Variants in THRB observed in about 807,000 individuals in gnomAD.
The protein encoded by THRB is nuclear receptor subfamily 1 group A member 2.
A neutral mutation model predicts 47.8 loss-of-function variants in THRB; 12 were observed. That is an observed-to-expected ratio of 0.25 (90% CI 0.16 to 0.41). The LOEUF (loss-of-function observed/expected upper bound fraction) is 0.41. Ranked by LOEUF, THRB falls within the 10% of genes least tolerant of loss-of-function variation. The probability of loss-of-function intolerance (pLI) is 1.00; values close to 1 mark genes in which losing one functional copy is unlikely to be tolerated. For missense variants in THRB, 348 were observed against 589.2 expected (o/e 0.59, Z 4.24); for synonymous variants, 218 against 212.2 (o/e 1.03, Z -0.24).
At chr3:24,130,023 T>C (rs1419718435) in intron 9 of THRB, among the ~76,000 whole-genome samples, 1 of 152,194 alleles carries the variant, frequency 6.6e-6, no homozygotes, top group Non-Finnish European at 1.5e-5. Flanking sequence ...GCCCACTCCA[T>C]GGGTAGCTCA....
intron 1 of THRB, among the ~76,000 whole-genome samples, chr3:24,455,619 C>T (rs995423069): frequency 4.6e-5 from 7 of 152,152 alleles, no homozygotes; most frequent in African/African-American, 1.7e-4. Flanking sequence ...CATTTGACCT[C>T]AAAAATATTT....
At chr3:24,235,922 G>T (rs2048815215) in intron 3 of THRB, among the ~76,000 whole-genome samples, 1 of 152,166 alleles carries the variant, frequency 6.6e-6, no homozygotes, top group African/African-American at 2.4e-5. Context: ...ATTGTGGGGT[G>T]CTGGGTATGA....
chr3:24,161,617 A>AACACACACACAC (rs58600238), intron 5 of THRB, among the ~76,000 whole-genome samples: 16,123 of 140,958 alleles, frequency 0.11, 1,009 homozygotes, highest in Middle Eastern at 0.2. Flanking sequence ...AGAGCTACAG[A>AACACACACACAC]ACACACACAC....
chr3:24,484,112 T>C (rs1025738298), intron 1 of THRB: 2 of 152,204 alleles, frequency 1.3e-5, no homozygotes, highest in Non-Finnish European at 2.9e-5. Flanking sequence ...AACAGAGCCA[T>C]CAATCAATCA....
At chr3:24,330,032 G>C (rs1403300095) in intron 2 of THRB, among the ~76,000 whole-genome samples, 1 of 152,198 alleles carries the variant, frequency 6.6e-6, no homozygotes, top group Non-Finnish European at 1.5e-5. Flanking sequence ...TCGGCCAGGC[G>C]CGGTGGCTCA....
At chr3:24,202,729 C>G (rs1180310298) in intron 4 of THRB, among the ~76,000 whole-genome samples, 1 of 152,224 alleles carries the variant, frequency 6.6e-6, no homozygotes, top group Admixed American at 6.5e-5. Context: ...CTCACTACAA[C>G]AACATTGTGG....
chr3:24,480,238 T>C (rs895411846), intron 1 of THRB, among the ~76,000 whole-genome samples: 1 of 152,204 alleles, frequency 6.6e-6, no homozygotes, highest in African/African-American at 2.4e-5. Flanking sequence ...TGAAAGAATA[T>C]TGCACTGGAA....
chr3:24,196,867 C>A (rs2044014879), intron 4 of THRB, among the ~76,000 whole-genome samples: 1 of 152,216 alleles, frequency 6.6e-6, no homozygotes, highest in African/African-American at 2.4e-5. Flanking sequence ...AATAACATAA[C>A]AATGAAGACA....
intron 3 of THRB, among the ~76,000 whole-genome samples, chr3:24,280,215 T>A (rs1432557220): frequency 6.6e-6 from 1 of 152,120 alleles, no homozygotes. Flanking sequence ...GAGCAGTGGT[T>A]CTCCCAGCAC....
intron 9 of THRB, among the ~76,000 whole-genome samples, chr3:24,128,252 G>A (rs563786807): frequency 3.1e-4 from 47 of 152,320 alleles, no homozygotes; most frequent in Admixed American, 5.2e-4. Context: ...TTGGCACAAA[G>A]CTAGAGGGTT....
chr3:24,352,948 T>C (rs2063448551), intron 1 of THRB, among the ~76,000 whole-genome samples: 2 of 152,130 alleles, frequency 1.3e-5, no homozygotes, highest in Non-Finnish European at 2.9e-5. Flanking sequence ...TGTAATACTA[T>C]ATTTCTTTAT....
chr3:24,280,966 G>A (rs1369186405), intron 3 of THRB, among the ~76,000 whole-genome samples: 1 of 152,200 alleles, frequency 6.6e-6, no homozygotes, highest in Admixed American at 6.5e-5. Flanking sequence ...TCTGATTGGT[G>A]TACCTGAAAG....
chr3:24,308,664 A>AG lies in THRB; in HGVS notation c.-188-11294_-188-11293insC, dbSNP rs1171215097. Among the ~76,000 whole-genome samples the AG allele has an allele frequency of 5.3e-5, 8 of 152,160 alleles. No homozygotes were observed. The East Asian group carries it at 1.5e-3, about 29-fold the overall frequency. ...TGTGTAGATGTGTACTTAGAACTCT[A>AG]TACTTACATTTTCAAATTTGTGTTC... On this transcript the variant is annotated intron_variant, in intron 2 of 10. Transcript: ENST00000646209.
chr3:24,179,936 G>A (rs1046758526), intron 5 of THRB, among the ~76,000 whole-genome samples: 1 of 152,188 alleles, frequency 6.6e-6, no homozygotes, highest in Non-Finnish European at 1.5e-5. Context: ...AGCATGTCGT[G>A]TGTAAGATAA....
chr3:24,161,046 G>T (rs190975383), intron 5 of THRB, among the ~76,000 whole-genome samples: 1 of 152,244 alleles, frequency 6.6e-6, no homozygotes, highest in African/African-American at 2.4e-5. Context: ...AAAGGAAAGA[G>T]CTCACGCTTT....
intron 1 of THRB, among the ~76,000 whole-genome samples, chr3:24,444,995 C>A (rs1388405675): frequency 6.6e-6 from 1 of 151,994 alleles, no homozygotes; most frequent in East Asian, 1.9e-4. Flanking sequence ...TAGGGGCCAC[C>A]ATGTCAGAAA....
At chr3:24,405,808 G>C (rs995974215) in intron 1 of THRB, among the ~76,000 whole-genome samples, 4 of 151,386 alleles carry the variant, frequency 2.6e-5, no homozygotes, top group African/African-American at 9.7e-5. Flanking sequence ...GCATTAAATT[G>C]TTGGATTACT....
chr3:24,197,232 A>G (rs1352697420), intron 4 of THRB, among the ~76,000 whole-genome samples: 4 of 152,232 alleles, frequency 2.6e-5, no homozygotes, highest in Non-Finnish European at 5.9e-5. Flanking sequence ...AGGACTCATC[A>G]TTACAAGCAA....
intron 4 of THRB, among the ~76,000 whole-genome samples, chr3:24,217,313 A>G (rs1156301903): frequency 6.6e-6 from 1 of 152,118 alleles, no homozygotes; most frequent in Non-Finnish European, 1.5e-5. Context: ...CACTTCCATG[A>G]AAAATGCCTT....
Sources: gnomAD v4.1 joint callset for allele counts (sites outside exome capture counted in the v4.1 genomes callset) on GRCh38, gnomAD v4.1.1 for gene constraint, MANE v1.5 for transcripts, NCBI Gene and HGNC (gene_info 2026-07-23, HGNC 2026-07-21) for gene names.